LAMA3: variants seen among roughly 807,000 people sequenced by gnomAD.
LAMA3 encodes the protein laminin subunit alpha-3.
In LAMA3, 281 loss-of-function variants were observed where a neutral mutation model predicts 402.0. The observed-to-expected ratio is 0.70, with a 90% confidence interval of 0.63 to 0.77. LAMA3 has a LOEUF of 0.77. LAMA3 is among the 30% of genes least tolerant of loss of function. The pLI is 0.00. For synonymous variants in LAMA3, 1,431 were observed against 1,558.4 expected, an observed-to-expected ratio of 0.92 and a Z score of 1.93; for missense variants, 3,840 against 4,215.5, an observed-to-expected ratio of 0.91 and a Z score of 2.47.
At chr18:23,815,062 T>A (rs1414763588) in intron 15 of LAMA3, 126 bp from the exon 16 acceptor site, 2 of 815,294 alleles carry the variant, frequency 2.5e-6, no homozygotes, top group Non-Finnish European at 4.2e-6. Context: ...ATGCAAACTC[T>A]CATTCTGTTG....
intron 11 of LAMA3, chr18:23,781,342 A>AATGT: frequency 2.2e-6 from 1 of 454,874 alleles, no homozygotes; most frequent in Non-Finnish European, 4.4e-6. Flanking sequence ...CCTTGTCATG[A>AATGT]ATGTGTCCTT....
intron 1 of LAMA3, among the ~76,000 whole-genome samples, chr18:23,700,753 G>A (rs2060777452): frequency 1.3e-5 from 2 of 152,018 alleles, no homozygotes; most frequent in South Asian, 4.2e-4. Context: ...GCTCGAGTGT[G>A]GTGGCATGAT....
At chr18:23,927,812 C>T (rs767427766) in intron 62 of LAMA3, among the ~76,000 whole-genome samples, 2 of 151,792 alleles carry the variant, frequency 1.3e-5, no homozygotes, top group Non-Finnish European at 1.5e-5. Context: ...GTGACTCCAG[C>T]GGGGAGGGAC....
chr18:23,935,132 T>G (rs892267596), intron 67 of LAMA3, among the ~76,000 whole-genome samples: 1 of 152,204 alleles, frequency 6.6e-6, no homozygotes, highest in Non-Finnish European at 1.5e-5. Flanking sequence ...CAAATCTATT[T>G]ACAGGATAGA....
chr18:23,848,671 T>G (rs1024686407), intron 32 of LAMA3, among the ~76,000 whole-genome samples: 8 of 152,312 alleles, frequency 5.3e-5, no homozygotes, highest in African/African-American at 1.9e-4. Context: ...GGGACAGGCC[T>G]CAGTGACTCC....
chr18:23,785,088 A>G (rs190229181), intron 12 of LAMA3, among the ~76,000 whole-genome samples: 76 of 152,316 alleles, frequency 5.0e-4, no homozygotes, highest in Admixed American at 1.6e-3. Context: ...TGGGAAGCCC[A>G]TGGTTGGTGA....
At chr18:23,778,963 T>C (rs2062379854) in intron 11 of LAMA3, among the ~76,000 whole-genome samples, 3 of 152,086 alleles carry the variant, frequency 2.0e-5, no homozygotes, top group Non-Finnish European at 2.9e-5. Flanking sequence ...GGTTTACAGA[T>C]TTAAATTAGA....
At chr18:23,712,379 CA>C (rs71163637) in intron 1 of LAMA3, among the ~76,000 whole-genome samples, 58,232 of 103,728 alleles carry the variant, frequency 0.56, 13,852 homozygotes, top group Middle Eastern at 0.64. Flanking sequence ...AACTCCGTCT[CA>C]AAAAAAAAAA....
At chr18:23,847,760 C>T in intron 32 of LAMA3, 92 bp downstream of exon 32, 1 of 1,334,504 alleles carries the variant, frequency 7.5e-7, no homozygotes, top group Non-Finnish European at 1.0e-6. Flanking sequence ...CCACTTCCCA[C>T]CTGTCCAGGG....
At chr18:23,734,027 T>C (rs1290019010) in intron 2 of LAMA3, among the ~76,000 whole-genome samples, 2 of 152,234 alleles carry the variant, frequency 1.3e-5, no homozygotes, top group Non-Finnish European at 2.9e-5. Flanking sequence ...GCATCAGGGA[T>C]TCACTCTGTG....
At chr18:23,784,890 G>C (rs1303148190) in intron 12 of LAMA3, among the ~76,000 whole-genome samples, 4 of 152,118 alleles carry the variant, frequency 2.6e-5, no homozygotes, top group Non-Finnish European at 5.9e-5. Context: ...ATCAGTCCAG[G>C]ATCAAGGCAG....
chr18:23,871,220 C>T (rs2064507523), intron 37 of LAMA3, among the ~76,000 whole-genome samples: 3 of 152,192 alleles, frequency 2.0e-5, no homozygotes. Context: ...TCCCTGCCTT[C>T]ATTTTTTTTC....
chr18:23,690,505 T>G (rs1420126351), intron 1 of LAMA3, among the ~76,000 whole-genome samples: 1 of 152,220 alleles, frequency 6.6e-6, no homozygotes, highest in Non-Finnish European at 1.5e-5. Context: ...CACCATCCAG[T>G]CATTGGGGGC....
At chr18:23,824,614 C>G (rs746503748) in intron 21 of LAMA3, 49 bp downstream of exon 21, 16 of 1,599,446 alleles carry the variant, frequency 1.0e-5, no homozygotes, top group Admixed American at 3.3e-5. Flanking sequence ...CTTCCTACCT[C>G]AGAAGTGGTT....
chr18:23,702,285 G>C (rs1000305810), intron 1 of LAMA3, among the ~76,000 whole-genome samples: 3 of 152,142 alleles, frequency 2.0e-5, no homozygotes, highest in Non-Finnish European at 4.4e-5. Context: ...TCTATGGAGG[G>C]AGAAGACTAA....
At chr18:23,913,282 T>A (rs1467848818) in intron 56 of LAMA3, among the ~76,000 whole-genome samples, 1 of 152,104 alleles carries the variant, frequency 6.6e-6, no homozygotes, top group Non-Finnish European at 1.5e-5. Flanking sequence ...CTTGTCCTCT[T>A]CCTCAGACTG....
At chr18:23,760,897 G>T (rs2061953545) in intron 7 of LAMA3, among the ~76,000 whole-genome samples, 1 of 152,088 alleles carries the variant, frequency 6.6e-6, no homozygotes, top group Non-Finnish European at 1.5e-5. Context: ...GGTGGAACGG[G>T]CAAGGAAGCT....
At chr18:23,704,401 G>GT (rs2145862557) in intron 1 of LAMA3, among the ~76,000 whole-genome samples, 1 of 152,342 alleles carries the variant, frequency 6.6e-6, no homozygotes, top group Non-Finnish European at 1.5e-5. Context: ...CACACACGCA[G>GT]TTCCTGGCCC....
intron 74 of LAMA3, among the ~76,000 whole-genome samples, chr18:23,953,326 TTTTTTTTTTTTG>T (rs1473087352): frequency 2.6e-3 from 7 of 2,696 alleles, no homozygotes; most frequent in African/African-American, 4.4e-3. Context: ...TGTAATTTTG[TTTTTTTTTTTTG>T]TTTTTTTTTT....
Sources: allele counts gnomAD v4.1 joint callset (sites outside exome capture counted in the v4.1 genomes callset), GRCh38; gene constraint gnomAD v4.1.1; transcripts MANE v1.5; gene names NCBI Gene and HGNC (gene_info 2026-07-23, HGNC 2026-07-21).